FAM170A: variants seen among roughly 807,000 people sequenced by gnomAD.
The protein encoded by FAM170A is protein FAM170A.
A neutral mutation model predicts 36.6 loss-of-function variants in FAM170A; 28 were observed. The ratio of observed to expected loss-of-function variants is 0.76; its 90% CI spans 0.57 to 1.05. The LOEUF is 1.05. Ranked by LOEUF, FAM170A falls within the 50% of genes least tolerant of loss-of-function variation. The pLI, the probability that FAM170A is intolerant of heterozygous loss-of-function variation, is 0.00. For synonymous variants in FAM170A, 156 were observed against 143.9 expected (o/e 1.08, Z -0.60); for missense variants, 434 against 396.5 (o/e 1.09, Z -0.80).
At chr5:119,629,566 A>C (rs1756194720) in exon 1 of FAM170A, 1 of 409,240 alleles carries the variant, frequency 2.4e-6, no homozygotes, top group Admixed American at 3.7e-5. Flanking sequence ...TTGAACCTTA[A>C]CAGCCCTGCA....
At chr5:119,629,638 C>A (rs1455263645) in exon 1 of FAM170A, 6 of 685,526 alleles carry the variant, frequency 8.8e-6, no homozygotes, top group Admixed American at 6.6e-5. Context: ...TTAGCTATCT[C>A]GGAGATTCAA....
intron 1 of FAM170A, among the ~76,000 whole-genome samples, chr5:119,630,818 A>G (rs1291508936): frequency 6.6e-6 from 1 of 152,228 alleles, no homozygotes; most frequent in East Asian, 1.9e-4. Context: ...GGGTGCTGGT[A>G]GAAGTCTATG....
chr5:119,634,870 A>C, intron 3 of FAM170A, 136 bp downstream of exon 3: 1 of 1,214,934 alleles, frequency 8.2e-7, no homozygotes. Flanking sequence ...ATGGAGGGGG[A>C]CATAACTGGG....
chr5:119,633,921 G>C (rs1561524525), intron 2 of FAM170A, 39 bp from the exon 3 acceptor site: 1 of 1,582,840 alleles, frequency 6.3e-7, no homozygotes, highest in Admixed American at 1.7e-5. Context: ...TCCTAGCATG[G>C]CCCATGCATC....
In FAM170A at chr5:119,629,815, A is replaced by G; in HGVS notation, c.47A>G (p.Gln16Arg). The change falls in exon 1 of 5, where the codon CAG becomes CGG. Residue 16 changes from glutamine (Q) to arginine (R), a missense_variant. Physicochemically the swap from Gln to Arg is conservative, Grantham distance 43. Transcript: ENST00000613773. ...AAACATTTGGAAAATGAAGAGTCCC[A>G]GGAAACCGCTGAGAAGGGAGGAGGT... 1 of 1,613,650 alleles carries G rather than the reference A, an allele frequency of 6.2e-7. No homozygotes were observed.
At chr5:119,629,604 C>T (rs992881507) in exon 1 of FAM170A, 18 of 551,584 alleles carry the variant, frequency 3.3e-5, no homozygotes, top group South Asian at 2.9e-4. Flanking sequence ...CAGTGCTGCT[C>T]CTTCACTAAG....
chr5:119,635,184 C>T (rs1756354832), intron 4 of FAM170A, 98 bp downstream of exon 4: 2 of 797,406 alleles, frequency 2.5e-6, no homozygotes, highest in Non-Finnish European at 4.2e-6. Context: ...CACCTGGTGG[C>T]TCTGCAGCCA....
intron 4 of FAM170A, 119 bp downstream of exon 4, chr5:119,635,205 T>A (rs1483287544): frequency 4.4e-6 from 3 of 677,302 alleles, no homozygotes; most frequent in South Asian, 3.4e-5. Flanking sequence ...CATCAACTTA[T>A]CGTGCACCTG....
At chr5:119,631,950 T>G (rs570817896) in intron 1 of FAM170A, among the ~76,000 whole-genome samples, 3 of 152,340 alleles carry the variant, frequency 2.0e-5, no homozygotes, top group South Asian at 4.1e-4. Flanking sequence ...CAGTTAAACT[T>G]GAATATCAGA....
At chr5:119,630,615 C>T (rs328707) in intron 1 of FAM170A, among the ~76,000 whole-genome samples, 62,167 of 152,068 alleles carry the variant, frequency 0.41, 12,902 homozygotes, top group East Asian at 0.51. Flanking sequence ...TCAGATGCCA[C>T]TGGCACACAG....
At chr5:119,630,708 C>A (rs937078191) in intron 1 of FAM170A, among the ~76,000 whole-genome samples, 2 of 152,106 alleles carry the variant, frequency 1.3e-5, no homozygotes, top group African/African-American at 2.4e-5. Context: ...AGGCGGGGGA[C>A]CCACTTACAA....
chr5:119,634,569 A>G, exon 3 of FAM170A: 1 of 1,613,582 alleles, frequency 6.2e-7, no homozygotes, highest in Non-Finnish European at 8.5e-7. Context: ...ATGGAATCAG[A>G]GAGCACCCAA....
chr5:119,630,068 T>C (rs1561522926), intron 1 of FAM170A, among the ~76,000 whole-genome samples: 1 of 142,078 alleles, frequency 7.0e-6, no homozygotes, highest in Non-Finnish European at 1.5e-5. Flanking sequence ...ATTTTTTGTA[T>C]TTTTAGTAGA....
At position 119,635,094 on chromosome 5, in the gene FAM170A, G is replaced by A. The variant is rs1756350745; in HGVS notation, c.*52+8G>A. On this transcript the variant is annotated splice_region_variant and intron_variant, in intron 4 of 4. Coordinates refer to ENST00000613773, the Ensembl canonical transcript of FAM170A. ...GGCCTTCTCTTGCAAGAGGTAAGGA[G>A]TGAGACTTGCAGTTTTCTGAGGCTG... 1 of 1,590,190 alleles carries A rather than the reference G, an allele frequency of 6.3e-7. No homozygotes were observed. Among genetic ancestry groups the A allele is most frequent in the Admixed American group, 1.7e-5 (1 of 60,004 alleles).
intron 1 of FAM170A, 85 bp from the exon 2 acceptor site, chr5:119,632,663 C>A: frequency 7.6e-7 from 1 of 1,318,326 alleles, no homozygotes; most frequent in Non-Finnish European, 1.0e-6. Context: ...ATAGGTCAGC[C>A]ACTCAGTAAA....
At chr5:119,632,793 G>T (rs756815118) in exon 2 of FAM170A, 1 of 1,612,546 alleles carries the variant, frequency 6.2e-7, no homozygotes, top group Non-Finnish European at 8.5e-7. Context: ...GGATCCACTA[G>T]AGTGGCCAAA....
chr5:119,633,788 G>T (rs1245709342), intron 2 of FAM170A, among the ~76,000 whole-genome samples, 172 bp from the exon 3 acceptor site: 1 of 151,838 alleles, frequency 6.6e-6, no homozygotes. Context: ...ATCCCTACAC[G>T]CAAATGACAC....
At chr5:119,631,823 A>G (rs328701) in intron 1 of FAM170A, among the ~76,000 whole-genome samples, 62,270 of 151,886 alleles carry the variant, frequency 0.41, 12,933 homozygotes, top group East Asian at 0.51. Flanking sequence ...CACATCATAC[A>G]TGCCATATCT....
At position 119,629,779 on chromosome 5, in the gene FAM170A, G is replaced by A. The variant is rs536413628; in HGVS notation, c.11G>A (p.Arg4Gln). 4 of 1,613,244 alleles carry A rather than the reference G, an allele frequency of 2.5e-6. No homozygotes were observed. The East Asian group carries it at 6.7e-5, about 27-fold the overall frequency. The change falls in exon 1 of 5, where the codon CGA (arginine) becomes CAA (glutamine). Residue 4 changes from arginine to glutamine, a missense_variant. Physicochemically the swap from Arg to Gln is conservative, Grantham distance 43 (BLOSUM62 1). Coordinates refer to ENST00000613773, the Ensembl canonical transcript of FAM170A. The stretch of plus-strand genomic sequence containing the variant: ...CTTCTAGCTGATATCATGAAACGAC[G>A]ACAAAAGAGGAAACATTTGGAAAAT...
Sources: allele counts gnomAD v4.1 joint callset (sites outside exome capture counted in the v4.1 genomes callset), GRCh38; gene constraint gnomAD v4.1.1; transcripts MANE v1.5; gene names NCBI Gene and HGNC (gene_info 2026-07-23, HGNC 2026-07-21).